The following OXSR1 variants were observed in gnomAD, a reference collection of about 807,000 sequenced individuals.
OXSR1 encodes the protein oxidative stress responsive kinase 1.
In OXSR1, 24 loss-of-function variants were observed where a neutral mutation model predicts 79.8. The ratio of observed to expected loss-of-function variants is 0.30; its 90% CI spans 0.22 to 0.42. The LOEUF is 0.42. OXSR1 is among the 10% of genes least tolerant of loss of function. The pLI is 1.00. For synonymous variants in OXSR1, 226 were observed against 209.2 expected, an observed-to-expected ratio of 1.08 and a Z score of -0.69; for missense variants, 430 against 618.4, an observed-to-expected ratio of 0.70 and a Z score of 3.23.
In OXSR1 at chr3:38,247,751, T is replaced by C; in HGVS notation, c.1322+19T>C. On this transcript the variant is annotated intron_variant, in intron 14 of 17. Coordinates refer to ENST00000311806, the MANE Select transcript of OXSR1 (RefSeq NM_005109.3). ...GATTAAGGTAAGTAGACATTTTTTG[T>C]TTTGTTTTCTTTTGTTTTCTGAATA... is the stretch of plus-strand genomic sequence containing the variant. The C allele has an allele frequency of 7.0e-7, 1 of 1,436,444 alleles. No individual in the cohort carries two copies. Among genetic ancestry groups the C allele is most frequent in the Non-Finnish European group, 9.8e-7 (1 of 1,020,306 alleles). 89.0% of individuals were successfully genotyped at this position (1,436,444 alleles called of 1,614,324 possible). A position where few individuals can be genotyped will look rare whatever the true frequency, so the allele number is the denominator to read the frequency against.
intron 12 of OXSR1, among the ~76,000 whole-genome samples, chr3:38,245,660 A>G (rs1703124979): frequency 6.6e-6 from 1 of 152,210 alleles, no homozygotes; most frequent in African/African-American, 2.4e-5. Flanking sequence ...TTTATATGAA[A>G]TATCCAGAAA....
At chr3:38,179,095 A>G (rs1701732796) in intron 1 of OXSR1, among the ~76,000 whole-genome samples, 1 of 146,190 alleles carries the variant, frequency 6.8e-6, no homozygotes, top group Non-Finnish European at 1.5e-5. Context: ...CAGTGGCATG[A>G]CCACAGCTCA....
At chr3:38,182,969 C>T (rs746618723) in intron 1 of OXSR1, 34 bp from the exon 2 acceptor site, 17 of 1,108,658 alleles carry the variant, frequency 1.5e-5, no homozygotes, top group Non-Finnish European at 2.2e-5. Flanking sequence ...ATATATCCAT[C>T]TACTTATTTA....
intron 2 of OXSR1, among the ~76,000 whole-genome samples, chr3:38,187,157 A>G (rs1195155546): frequency 1.3e-5 from 2 of 152,220 alleles, no homozygotes; most frequent in African/African-American, 4.8e-5. Context: ...GATACATTCT[A>G]TCATTACCTG....
intron 1 of OXSR1, among the ~76,000 whole-genome samples, chr3:38,178,620 A>ATT (rs71085303): frequency 2.7e-3 from 257 of 95,000 alleles, no homozygotes; most frequent in Non-Finnish European, 3.4e-3. Flanking sequence ...ATATATATAT[A>ATT]TTTTTTTTTT....
chr3:38,190,750 G>C lies in OXSR1; in HGVS notation c.203G>C (p.Ser68Thr). ...TTGTAGAAAGAAATTCAAGCCATGA[G>C]TCAATGCCATCATCCTAATATTGTA... ...DELLKEIQAMSQCHHPNIVSY... is the reference protein window; with the variant it reads ...DELLKEIQAMTQCHHPNIVSY... Residue 68 changes from serine (S) to threonine (T), a missense_variant, in exon 3 of 18, where the codon AGT becomes ACT. Transcript: ENST00000311806. 1 of 1,588,834 alleles carries C rather than the reference G, an allele frequency of 6.3e-7. No homozygotes were observed. Among genetic ancestry groups the C allele is most frequent in the Non-Finnish European group, 8.6e-7 (1 of 1,157,290 alleles).
At chr3:38,188,389 T>G (rs1484364686) in intron 2 of OXSR1, among the ~76,000 whole-genome samples, 3 of 152,220 alleles carry the variant, frequency 2.0e-5, no homozygotes, top group African/African-American at 7.2e-5. Context: ...GCTTAAAACT[T>G]ACAGAAGAAT....
At chr3:38,223,315 G>A (rs1702624987) in intron 6 of OXSR1, among the ~76,000 whole-genome samples, 1 of 151,950 alleles carries the variant, frequency 6.6e-6, no homozygotes, top group Non-Finnish European at 1.5e-5. Flanking sequence ...TTGTGGAGAT[G>A]GGGTCTCACC....
In OXSR1 at chr3:38,234,505, A is replaced by G. The variant is rs188705428; in HGVS notation, c.952-2334A>G. Among the ~76,000 whole-genome samples the G allele has an allele frequency of 6.7e-4, 102 of 152,364 alleles. 1 individual carries two copies. Among genetic ancestry groups the G allele is most frequent in the African/African-American group, 2.1e-3 (89 of 41,590 alleles). ...AACACATGAAAAGATACTCAGTATTATTAGCCATCAGAGAAATGCAAATCA... is the reference window on the plus strand; with the variant it reads ...AACACATGAAAAGATACTCAGTATTGTTAGCCATCAGAGAAATGCAAATCA... On this transcript the variant is annotated intron_variant, in intron 10 of 17. Coordinates refer to ENST00000311806, the MANE Select transcript of OXSR1 (RefSeq NM_005109.3).
chr3:38,241,115 A>T (rs1048886511), intron 11 of OXSR1, among the ~76,000 whole-genome samples: 2 of 152,166 alleles, frequency 1.3e-5, no homozygotes, highest in African/African-American at 2.4e-5. Context: ...AGGTTTTTTT[A>T]TACTGGAGAA....
intron 1 of OXSR1, among the ~76,000 whole-genome samples, chr3:38,180,258 TG>T (rs1329313486): frequency 6.6e-6 from 1 of 152,152 alleles, no homozygotes; most frequent in African/African-American, 2.4e-5. Flanking sequence ...AATCTTTAAG[TG>T]GACTCGTGCA....
chr3:38,175,215 C>G (rs1366119636), intron 1 of OXSR1, among the ~76,000 whole-genome samples: 1 of 152,152 alleles, frequency 6.6e-6, no homozygotes, highest in African/African-American at 2.4e-5. Flanking sequence ...TGGCTGGGCA[C>G]AATTTAGGAG....
chr3:38,229,244 A>T (rs932452095), intron 8 of OXSR1, among the ~76,000 whole-genome samples: 2 of 152,140 alleles, frequency 1.3e-5, no homozygotes, highest in African/African-American at 4.8e-5. Context: ...GCAGGCTACC[A>T]TGTGGCAAGA....
chr3:38,182,883 T>C lies in OXSR1; in HGVS notation c.71-120T>C, dbSNP rs1701813535. ...ACACTCTTTAGAGCATTTTTCTCTATCTGTTATGCGCTGTAGGAACAAGAT... is the reference window on the plus strand; with the variant it reads ...ACACTCTTTAGAGCATTTTTCTCTACCTGTTATGCGCTGTAGGAACAAGAT... On this transcript the variant is annotated intron_variant, in intron 1 of 17. Coordinates refer to ENST00000311806, the MANE Select transcript of OXSR1 (RefSeq NM_005109.3). 9 of 501,770 alleles carry C rather than the reference T, an allele frequency of 1.8e-5. No homozygotes were observed. In the South Asian group the frequency reaches 3.0e-4, roughly 16 times the overall value. 31.1% of individuals were successfully genotyped at this position (501,770 alleles called of 1,614,324 possible).
At chr3:38,193,660 A>G (rs1268126088) in intron 3 of OXSR1, among the ~76,000 whole-genome samples, 9 of 147,298 alleles carry the variant, frequency 6.1e-5, no homozygotes, top group Admixed American at 4.8e-4. Context: ...CTCAGTGAGT[A>G]TATGTCTTGA....
chr3:38,245,227 A>C (rs1046140866), intron 12 of OXSR1, among the ~76,000 whole-genome samples: 1 of 152,006 alleles, frequency 6.6e-6, no homozygotes, highest in Non-Finnish European at 1.5e-5. Flanking sequence ...TTCTCTTTCA[A>C]CTTTACATTT....
chr3:38,204,796 C>A (rs1159929892), intron 4 of OXSR1, among the ~76,000 whole-genome samples: 1 of 148,898 alleles, frequency 6.7e-6, no homozygotes, highest in East Asian at 2.1e-4. Context: ...AGGGGTGGCA[C>A]AAGCAGTCCC....
chr3:38,239,765 T>C (rs1055462981), intron 11 of OXSR1, among the ~76,000 whole-genome samples: 20 of 152,310 alleles, frequency 1.3e-4, no homozygotes, highest in Non-Finnish European at 2.9e-4. Flanking sequence ...TGTACTGTTT[T>C]ATCAGCTTAA....
intron 5 of OXSR1, among the ~76,000 whole-genome samples, chr3:38,216,658 C>T (rs1334260137): frequency 6.6e-6 from 1 of 152,086 alleles, no homozygotes; most frequent in Non-Finnish European, 1.5e-5. Context: ...CCTGATGAAA[C>T]ACCCCCTCCT....
Sources: gnomAD v4.1 joint callset for allele counts (sites outside exome capture counted in the v4.1 genomes callset) on GRCh38, gnomAD v4.1.1 for gene constraint, MANE v1.5 for transcripts, NCBI Gene and HGNC (gene_info 2026-07-23, HGNC 2026-07-21) for gene names.